ZNF804B: variants seen among roughly 807,000 people sequenced by gnomAD.
ZNF804B encodes zinc finger 804B.
In ZNF804B, 80 loss-of-function variants were observed where a neutral mutation model predicts 101.4. That is an observed-to-expected ratio of 0.79 (90% CI 0.66 to 0.95). The LOEUF (loss-of-function observed/expected upper bound fraction) is 0.95, where lower values mean the gene tolerates loss of function less well. Among genes scored for constraint, ZNF804B ranks in the 40% least tolerant of loss-of-function variants. The pLI, the probability that ZNF804B is intolerant of heterozygous loss-of-function variation, is 0.00. For synonymous variants in ZNF804B, 622 were observed against 558.8 expected (o/e 1.11, Z -1.59); for missense variants, 1,673 against 1,561.9 (o/e 1.07, Z -1.20).
chr7:89,126,445 C>T (rs1049493507), intron 1 of ZNF804B, among the ~76,000 whole-genome samples: 1 of 151,896 alleles, frequency 6.6e-6, no homozygotes, highest in African/African-American at 2.4e-5. Context: ...ACAAAGAAAT[C>T]CCCACACACA....
At chr7:89,131,436 A>G (rs1790545560) in intron 1 of ZNF804B, among the ~76,000 whole-genome samples, 1 of 151,992 alleles carries the variant, frequency 6.6e-6, no homozygotes, top group Admixed American at 6.6e-5. Context: ...TGTTAAAACT[A>G]AATAAGAAGA....
intron 1 of ZNF804B, among the ~76,000 whole-genome samples, chr7:89,146,457 G>T (rs1035939643): frequency 5.3e-5 from 8 of 152,044 alleles, no homozygotes; most frequent in African/African-American, 1.2e-4. Context: ...CAAGCTGGAA[G>T]TAGCTTCCCT....
chr7:89,222,847 C>T (rs901632004), intron 2 of ZNF804B, among the ~76,000 whole-genome samples: 7 of 151,850 alleles, frequency 4.6e-5, no homozygotes, highest in East Asian at 3.9e-4. Context: ...TTTTTGTATA[C>T]GCTTCCCACT....
At chr7:89,035,665 C>A (rs1386707907) in intron 1 of ZNF804B, among the ~76,000 whole-genome samples, 1 of 151,600 alleles carries the variant, frequency 6.6e-6, no homozygotes, top group Admixed American at 6.6e-5. Flanking sequence ...ATTAGAATTT[C>A]AGACATGGCT....
chr7:88,892,089 C>G (rs1792222730), intron 1 of ZNF804B, among the ~76,000 whole-genome samples: 1 of 151,996 alleles, frequency 6.6e-6, no homozygotes, highest in Admixed American at 6.6e-5. Flanking sequence ...CTCCAGCCAC[C>G]CTACTGTTAA....
At chr7:89,215,659 G>A (rs1039366399) in intron 1 of ZNF804B, among the ~76,000 whole-genome samples, 66 of 151,786 alleles carry the variant, frequency 4.3e-4, no homozygotes, top group African/African-American at 1.5e-3. Flanking sequence ...CGAGGCGGGC[G>A]CATCACGAGG....
chr7:89,202,159 G>C (rs1264564503), intron 1 of ZNF804B, among the ~76,000 whole-genome samples: 1 of 151,964 alleles, frequency 6.6e-6, no homozygotes, highest in Non-Finnish European at 1.5e-5. Context: ...CCTAAACCAG[G>C]CTCTTTCAAG....
At chr7:88,946,862 C>T (rs928241017) in intron 1 of ZNF804B, among the ~76,000 whole-genome samples, 8 of 151,684 alleles carry the variant, frequency 5.3e-5, no homozygotes, top group Non-Finnish European at 7.4e-5. Context: ...GAGATATGAA[C>T]GGACACTTCT....
chr7:88,941,088 C>CA (rs2116045907), intron 1 of ZNF804B, among the ~76,000 whole-genome samples: 1 of 151,872 alleles, frequency 6.6e-6, no homozygotes, highest in Non-Finnish European at 1.5e-5. Context: ...ATTATTATAG[C>CA]AAAAATGTAA....
chr7:89,176,118 C>T (rs1437856900), intron 1 of ZNF804B, among the ~76,000 whole-genome samples: 2 of 151,866 alleles, frequency 1.3e-5, no homozygotes, highest in African/African-American at 2.4e-5. Context: ...TGAAAGTGAG[C>T]CTCCATGTTG....
At chr7:89,181,096 T>C (rs961375399) in intron 1 of ZNF804B, among the ~76,000 whole-genome samples, 2 of 151,702 alleles carry the variant, frequency 1.3e-5, no homozygotes, top group African/African-American at 4.8e-5. Context: ...TTCTCCCCTA[T>C]CTTTTCCTCA....
At chr7:89,186,868 T>A (rs1788381928) in intron 1 of ZNF804B, among the ~76,000 whole-genome samples, 1 of 152,162 alleles carries the variant, frequency 6.6e-6, no homozygotes, top group Non-Finnish European at 1.5e-5. Flanking sequence ...GAGAAAATCA[T>A]TTTTCTTCTG....
chr7:88,811,005 A>G (rs1263992398), intron 1 of ZNF804B, among the ~76,000 whole-genome samples: 1 of 152,102 alleles, frequency 6.6e-6, no homozygotes, highest in African/African-American at 2.4e-5. Flanking sequence ...TAAAACCTTG[A>G]TAGGATAAAC....
At chr7:89,313,158 A>T (rs1275909656) in intron 2 of ZNF804B, among the ~76,000 whole-genome samples, 1 of 152,162 alleles carries the variant, frequency 6.6e-6, no homozygotes. Context: ...GGAAGATTAG[A>T]TAGTCTGTTT....
At chr7:89,046,989 T>C (rs985216408) in intron 1 of ZNF804B, among the ~76,000 whole-genome samples, 3 of 152,170 alleles carry the variant, frequency 2.0e-5, no homozygotes, top group African/African-American at 7.2e-5. Context: ...TGACGTTTGC[T>C]TGCAATCATC....
At chr7:88,968,828 C>T (rs1793493527) in intron 1 of ZNF804B, among the ~76,000 whole-genome samples, 1 of 151,630 alleles carries the variant, frequency 6.6e-6, no homozygotes, top group Admixed American at 6.6e-5. Context: ...ATACTGTGTA[C>T]ATCCTTAATC....
chr7:89,167,720 CAG>C (rs1791165293), intron 1 of ZNF804B, among the ~76,000 whole-genome samples: 1 of 152,072 alleles, frequency 6.6e-6, no homozygotes, highest in Non-Finnish European at 1.5e-5. Flanking sequence ...TATTCCAGCT[CAG>C]GTGAAACTGC....
intron 2 of ZNF804B, among the ~76,000 whole-genome samples, chr7:89,247,642 G>T (rs1789471103): frequency 1.3e-5 from 2 of 151,824 alleles, no homozygotes; most frequent in South Asian, 4.2e-4. Context: ...ACAAAAATTA[G>T]AAGTCCTAGT....
intron 2 of ZNF804B, among the ~76,000 whole-genome samples, chr7:89,223,008 T>C (rs1789029610): frequency 6.6e-6 from 1 of 151,962 alleles, no homozygotes; most frequent in African/African-American, 2.4e-5. Flanking sequence ...TACACTGAAG[T>C]AAATCATGCA....
Sources: allele counts gnomAD v4.1 joint callset (sites outside exome capture counted in the v4.1 genomes callset), GRCh38; gene constraint gnomAD v4.1.1; transcripts MANE v1.5; gene names NCBI Gene and HGNC (gene_info 2026-07-23, HGNC 2026-07-21).